Variants in AUTS2 observed in about 807,000 individuals in gnomAD.
AUTS2 encodes activator of transcription and developmental regulator AUTS2, also known as autism susceptibility gene 2 protein.
In AUTS2, 17 loss-of-function variants were observed where a neutral mutation model predicts 112.4. The observed-to-expected ratio is 0.15, with a 90% CI of 0.10 to 0.23. AUTS2 has a LOEUF of 0.23. Among genes scored for constraint, AUTS2 ranks in the 10% least tolerant of loss-of-function variants. AUTS2 has a pLI of 1.00. For missense variants in AUTS2, 1,510 were observed against 1,701.6 expected, an observed-to-expected ratio of 0.89 and a Z score of 1.98; for synonymous variants, 751 against 702.7, an observed-to-expected ratio of 1.07 and a Z score of -1.09.
At chr7:70,293,497 A>C (rs1788799096) in intron 4 of AUTS2, 1 of 152,232 alleles carries the variant, frequency 6.6e-6, no homozygotes, top group African/African-American at 2.4e-5. Context: ...CTTTGTCAGA[A>C]TGAGGACATT....
At chr7:69,820,276 T>C (rs1170238602) in intron 1 of AUTS2, among the ~76,000 whole-genome samples, 1 of 152,182 alleles carries the variant, frequency 6.6e-6, no homozygotes, top group Non-Finnish European at 1.5e-5. Context: ...AAATACAAAA[T>C]AATTATGAGT....
At chr7:69,625,835 T>G (rs1793918872) in intron 1 of AUTS2, among the ~76,000 whole-genome samples, 1 of 151,402 alleles carries the variant, frequency 6.6e-6, no homozygotes, top group African/African-American at 2.4e-5. Flanking sequence ...CCAACCCGGG[T>G]GCCAGAGTGG....
intron 1 of AUTS2, among the ~76,000 whole-genome samples, chr7:69,859,530 T>G (rs1792882536): frequency 6.6e-6 from 1 of 152,218 alleles, no homozygotes; most frequent in South Asian, 2.1e-4. Flanking sequence ...TGGTTATTGA[T>G]TCTAGTCACT....
intron 1 of AUTS2, among the ~76,000 whole-genome samples, chr7:69,737,084 G>A (rs952055824): frequency 6.6e-6 from 1 of 152,124 alleles, no homozygotes; most frequent in Non-Finnish European, 1.5e-5. Flanking sequence ...AAGGGGTACA[G>A]ATTTTCCATT....
At chr7:70,117,393 A>G (rs1377559128) in intron 2 of AUTS2, among the ~76,000 whole-genome samples, 1 of 151,970 alleles carries the variant, frequency 6.6e-6, no homozygotes, top group Non-Finnish European at 1.5e-5. Flanking sequence ...ACTTTATTTT[A>G]TTTTGCTCTG....
chr7:70,162,779 AG>A (rs770837556), intron 4 of AUTS2, among the ~76,000 whole-genome samples: 1 of 152,220 alleles, frequency 6.6e-6, no homozygotes, highest in Non-Finnish European at 1.5e-5. Flanking sequence ...TGAGCACATC[AG>A]TGCAAATCTT....
chr7:70,065,138 G>A (rs1802429464), intron 2 of AUTS2, among the ~76,000 whole-genome samples: 1 of 152,002 alleles, frequency 6.6e-6, no homozygotes, highest in Non-Finnish European at 1.5e-5. Flanking sequence ...AATCACTCTT[G>A]GAAATCTGTT....
At chr7:69,691,968 C>T (rs371270488) in intron 1 of AUTS2, among the ~76,000 whole-genome samples, 1 of 152,268 alleles carries the variant, frequency 6.6e-6, no homozygotes, top group Non-Finnish European at 1.5e-5. Flanking sequence ...CTTCAGATGC[C>T]TCAGTCTTGG....
chr7:69,689,082 A>G (rs947336191), intron 1 of AUTS2, among the ~76,000 whole-genome samples: 1 of 152,106 alleles, frequency 6.6e-6, no homozygotes, highest in African/African-American at 2.4e-5. Flanking sequence ...TGTGTAATGA[A>G]AAGGGCATTG....
At chr7:70,214,155 A>C (rs1811058062) in intron 4 of AUTS2, among the ~76,000 whole-genome samples, 1 of 152,120 alleles carries the variant, frequency 6.6e-6, no homozygotes, top group African/African-American at 2.4e-5. Flanking sequence ...ACAGAAGGCA[A>C]TTTGTTTCAA....
At chr7:70,689,649 G>A (rs1372673327) in intron 5 of AUTS2, among the ~76,000 whole-genome samples, 1 of 151,840 alleles carries the variant, frequency 6.6e-6, no homozygotes, top group Non-Finnish European at 1.5e-5. Context: ...GGTGGCGGGT[G>A]CCTGTAGTCC....
intron 1 of AUTS2, among the ~76,000 whole-genome samples, chr7:69,833,208 G>A (rs1038006576): frequency 2.0e-5 from 3 of 152,066 alleles, no homozygotes; most frequent in Non-Finnish European, 4.4e-5. Flanking sequence ...CTAGGTTACC[G>A]GTCCGGGAAC....
chr7:69,973,473 A>C lies in AUTS2; in HGVS notation c.522+73975A>C, dbSNP rs1016800868. Among the ~76,000 whole-genome samples the C allele has an allele frequency of 5.9e-5, 9 of 152,278 alleles. No individual in the cohort carries two copies. In the East Asian group the frequency reaches 1.7e-3, roughly 29 times the overall value. Reference sequence around the variant, plus strand: ...TAGAACTTCTCATGCGGTGTGAACTAAGAGTGGTGAGAGTGAATATCCTTG... The same window carrying C: ...TAGAACTTCTCATGCGGTGTGAACTCAGAGTGGTGAGAGTGAATATCCTTG... On this transcript the variant is annotated intron_variant, in intron 2 of 18. Transcript: ENST00000342771.
intron 6 of AUTS2, among the ~76,000 whole-genome samples, chr7:70,704,859 A>G (rs939123059): frequency 2.0e-5 from 3 of 152,184 alleles, no homozygotes; most frequent in Non-Finnish European, 4.4e-5. Context: ...TTGCTTCACA[A>G]TCTGGATTCC....
At chr7:69,647,255 G>C (rs1795067042) in intron 1 of AUTS2, among the ~76,000 whole-genome samples, 1 of 151,940 alleles carries the variant, frequency 6.6e-6, no homozygotes, top group Non-Finnish European at 1.5e-5. Flanking sequence ...TCCAAAACAA[G>C]AAGGTTATTC....
At chr7:70,155,811 C>T (rs548548772) in intron 4 of AUTS2, among the ~76,000 whole-genome samples, 2 of 152,086 alleles carry the variant, frequency 1.3e-5, no homozygotes, top group Non-Finnish European at 2.9e-5. Flanking sequence ...GGACTGGCCA[C>T]TATACCTCTT....
At chr7:70,169,217 G>A (rs1363714536) in intron 4 of AUTS2, among the ~76,000 whole-genome samples, 1 of 151,990 alleles carries the variant, frequency 6.6e-6, no homozygotes, top group African/African-American at 2.4e-5. Flanking sequence ...AGATGCTACA[G>A]AGCTTATGTC....
intron 5 of AUTS2, among the ~76,000 whole-genome samples, chr7:70,526,395 TG>T (rs1272381418): frequency 6.6e-6 from 1 of 152,164 alleles, no homozygotes; most frequent in Non-Finnish European, 1.5e-5. Flanking sequence ...TCTGAGGCCG[TG>T]TGCGGTGGCT....
chr7:70,261,856 C>T (rs995040040), intron 4 of AUTS2, among the ~76,000 whole-genome samples: 2 of 152,194 alleles, frequency 1.3e-5, no homozygotes, highest in Non-Finnish European at 2.9e-5. Flanking sequence ...TCATGAATGT[C>T]TATGACTGCC....
Sources: allele counts gnomAD v4.1 joint callset (sites outside exome capture counted in the v4.1 genomes callset), GRCh38; gene constraint gnomAD v4.1.1; transcripts MANE v1.5; gene names NCBI Gene and HGNC (gene_info 2026-07-23, HGNC 2026-07-21).